Variants in DST observed in about 807,000 individuals in gnomAD.
DST encodes dystonin.
A neutral mutation model predicts 875.2 loss-of-function variants in DST; 253 were observed. The ratio of observed to expected loss-of-function variants is 0.29; its 90% CI spans 0.26 to 0.32. The LOEUF (loss-of-function observed/expected upper bound fraction) is 0.32, where lower values mean the gene tolerates loss of function less well. Ranked by LOEUF, DST falls within the 10% of genes least tolerant of loss-of-function variation. DST has a pLI of 1.00. For missense variants in DST, 8,287 were observed against 9,111.6 expected (o/e 0.91, Z 3.68); for synonymous variants, 3,124 against 3,197.1 (o/e 0.98, Z 0.77).
intron 4 of DST, among the ~76,000 whole-genome samples, chr6:56,816,897 T>C (rs1441481218): frequency 1.3e-5 from 2 of 151,992 alleles, no homozygotes; most frequent in Non-Finnish European, 2.9e-5. Flanking sequence ...ATAATGTTCA[T>C]ATTTATGTTT....
chr6:56,605,432 C>G lies in DST; in HGVS notation c.9196G>C (p.Val3066Leu). Residue 3066 changes from valine to leucine, a missense_variant, in exon 40 of 104, where the codon GTA becomes CTA. This residue lies in a region of DST where 3,138 missense variants were observed against 3,116.6 expected (regional missense o/e 1.01). Transcript: ENST00000680361. ...GEGEVLVEGL[V>L]EEENRHLKLL... Reference sequence around the variant, plus strand: ...TTGAGATGCCTATTTTCTTCTTCTACTAGACCTTCTACAAGCACTTCTCCT... The same window carrying G: ...TTGAGATGCCTATTTTCTTCTTCTAGTAGACCTTCTACAAGCACTTCTCCT... 1 of 1,612,870 alleles carries G rather than the reference C, an allele frequency of 6.2e-7. No individual in the cohort carries two copies. Among genetic ancestry groups the G allele is most frequent in the Non-Finnish European group, 8.5e-7 (1 of 1,179,262 alleles).
intron 4 of DST, among the ~76,000 whole-genome samples, chr6:56,788,128 C>CA (rs781369739): frequency 0.15 from 3,980 of 26,548 alleles, 1,065 homozygotes; most frequent in Non-Finnish European, 0.16. Flanking sequence ...GACTCCGTCT[C>CA]AAAAAAAAAA....
At chr6:56,683,635 G>T (rs956405309) in intron 9 of DST, among the ~76,000 whole-genome samples, 9 of 152,152 alleles carry the variant, frequency 5.9e-5, no homozygotes, top group African/African-American at 1.7e-4. Context: ...AGACTCAAGA[G>T]AGCAGCAACA....
chr6:56,882,241 T>C (rs145337354), intron 3 of DST, among the ~76,000 whole-genome samples: 92 of 152,332 alleles, frequency 6.0e-4, no homozygotes, highest in Admixed American at 2.1e-3. Context: ...TTCCTGTGGC[T>C]GCAAATTATG....
Position 56,551,857 on chromosome 6 carries a change from AAACACAGCCACGGTC to A in DST, c.16608+312_16608+326del, listed in dbSNP as rs372706309. 6.4e-3 allele frequency among the ~76,000 whole-genome samples: 973 copies of A among 152,338 alleles called. 6 individuals are homozygous for A. The highest frequency in any genetic ancestry group is 0.023 in the African/African-American group (937 of 41,568). On this transcript the variant is annotated intron_variant, in intron 61 of 103. Transcript: ENST00000680361. ...AGATAAACATCTGCAATAGAGTTCA[AAACACAGCCACGGTC>A]ACCACAGATGGCAATTGTGAATAAT...
At chr6:56,634,361 G>C in intron 26 of DST, 101 bp downstream of exon 26, 1 of 1,607,106 alleles carries the variant, frequency 6.2e-7, no homozygotes, top group Non-Finnish European at 8.5e-7. Flanking sequence ...GAGTTCTAGA[G>C]ACTTTTGATC....
At position 56,515,445 on chromosome 6, in the gene DST, C is replaced by T; in HGVS notation, c.18576+5G>A. On this transcript the variant is annotated splice_donor_5th_base_variant and intron_variant, in intron 72 of 103. Transcript: ENST00000680361. ...ATACAATATTCTCTTTCACACCAGGCTTACCCGATGTTCTTCCTGCTGCTG... is the reference window on the plus strand; with the variant it reads ...ATACAATATTCTCTTTCACACCAGGTTTACCCGATGTTCTTCCTGCTGCTG... The T allele has an allele frequency of 4.3e-6, 7 of 1,613,622 alleles. No individual in the cohort carries two copies. Among genetic ancestry groups the T allele is most frequent in the Non-Finnish European group, 5.9e-6 (7 of 1,179,618 alleles).
At chr6:56,837,012 G>A (rs1200541232) in intron 4 of DST, among the ~76,000 whole-genome samples, 3 of 151,928 alleles carry the variant, frequency 2.0e-5, no homozygotes, top group Non-Finnish European at 2.9e-5. Flanking sequence ...ATTTGCTTAT[G>A]GAAAATAGAT....
chr6:56,656,159 A>G (rs1437620506), intron 10 of DST, among the ~76,000 whole-genome samples: 3 of 152,240 alleles, frequency 2.0e-5, no homozygotes, highest in Non-Finnish European at 2.9e-5. Context: ...TAGAATCCTT[A>G]TCGAAATCCA....
chr6:56,506,197 T>C (rs979903418), intron 77 of DST, among the ~76,000 whole-genome samples: 1 of 152,206 alleles, frequency 6.6e-6, no homozygotes, highest in African/African-American at 2.4e-5. Flanking sequence ...CTTTTCAAAG[T>C]AAATTTCACT....
intron 30 of DST, 46 bp from the exon 31 acceptor site, chr6:56,630,429 T>A: frequency 6.4e-7 from 1 of 1,558,852 alleles, no homozygotes; most frequent in Non-Finnish European, 8.8e-7. Context: ...TAAATGTTTA[T>A]TTTTGCATAA....
chr6:56,914,837 G>T (rs1447205400), intron 2 of DST, among the ~76,000 whole-genome samples: 1 of 152,166 alleles, frequency 6.6e-6, no homozygotes, highest in Non-Finnish European at 1.5e-5. Flanking sequence ...ATCAAAAACA[G>T]GTAACAGTAA....
At chr6:56,769,306 G>A (rs2099643253) in intron 4 of DST, among the ~76,000 whole-genome samples, 1 of 152,220 alleles carries the variant, frequency 6.6e-6, no homozygotes, top group Non-Finnish European at 1.5e-5. Flanking sequence ...ACGCTGGCAA[G>A]GAGGTGGAGC....
chr6:56,492,184 G>A (rs1431209173), intron 85 of DST, 43 bp downstream of exon 85: 1 of 1,504,896 alleles, frequency 6.6e-7, no homozygotes, highest in Non-Finnish European at 9.2e-7. Context: ...AGCAAGAAGT[G>A]GTTTATTGAC....
chr6:56,683,819 A>G (rs1045768391), intron 9 of DST, among the ~76,000 whole-genome samples: 2 of 152,256 alleles, frequency 1.3e-5, no homozygotes, highest in African/African-American at 4.8e-5. Flanking sequence ...ACCAATGCAC[A>G]AAAGTGTCCA....
intron 4 of DST, chr6:56,742,221 C>G: frequency 8.6e-7 from 1 of 1,165,252 alleles, no homozygotes; most frequent in African/African-American, 1.6e-5. Flanking sequence ...GCAACTTTCC[C>G]TTCCCAGTTC....
intron 2 of DST, 44 bp from the exon 3 acceptor site, chr6:56,900,665 G>T (rs913801757): frequency 7.5e-7 from 1 of 1,336,618 alleles, no homozygotes. Context: ...TTTGTATTGA[G>T]TTAGTCTGGA....
At chr6:56,816,392 A>G (rs1417464120) in intron 4 of DST, among the ~76,000 whole-genome samples, 1 of 152,204 alleles carries the variant, frequency 6.6e-6, no homozygotes, top group Non-Finnish European at 1.5e-5. Context: ...CTGTTTCTAC[A>G]GCCCCTTTAA....
At chr6:56,779,738 ATTATAC>A (rs2099688229) in intron 4 of DST, among the ~76,000 whole-genome samples, 1 of 148,656 alleles carries the variant, frequency 6.7e-6, no homozygotes, top group African/African-American at 2.5e-5. Flanking sequence ...TTTTTTTAAT[ATTATAC>A]TTTAAGTTTT....
Sources: gnomAD v4.1 joint callset for allele counts (sites outside exome capture counted in the v4.1 genomes callset) on GRCh38, gnomAD v4.1.1 for gene constraint, gnomAD v4.1.1 regional missense constraint, MANE v1.5 for transcripts, NCBI Gene and HGNC (gene_info 2026-07-23, HGNC 2026-07-21) for gene names.